The following CCDC197 variants were observed in gnomAD, a reference collection of about 807,000 sequenced individuals.
CCDC197 encodes the protein uncharacterized protein CCDC197.
Under a neutral mutation model 13.4 loss-of-function variants are expected in CCDC197, and 24 were observed. The ratio of observed to expected loss-of-function variants is 1.80; its 90% CI spans 1.30 to 2.53. The LOEUF is 2.53. Among genes scored for constraint, CCDC197 ranks in the 30% most tolerant of loss-of-function variants. The pLI, the probability that CCDC197 is intolerant of heterozygous loss-of-function variation, is 0.00. For missense variants in CCDC197, 255 were observed against 148.8 expected, an observed-to-expected ratio of 1.71 and a Z score of -3.71; for synonymous variants, 99 against 55.5, an observed-to-expected ratio of 1.78 and a Z score of -3.48.
chr14:93,988,220 G>A (rs1299294266), intron 1 of CCDC197, among the ~76,000 whole-genome samples: 2 of 107,418 alleles, frequency 1.9e-5, no homozygotes, highest in Admixed American at 9.1e-5. Flanking sequence ...GAGAGGGGAT[G>A]AGAGAGGGGA....
chr14:93,988,035 G>A (rs1481904352), intron 1 of CCDC197, among the ~76,000 whole-genome samples: 1 of 120,660 alleles, frequency 8.3e-6, no homozygotes, highest in African/African-American at 3.3e-5. Flanking sequence ...TGAGGCCAGA[G>A]AGGAGAAGAG....
chr14:94,010,334 A>G (rs372166032), downstream of CCDC197, among the ~76,000 whole-genome samples: 485 of 152,164 alleles, frequency 3.2e-3, 4 homozygotes, highest in Middle Eastern at 0.017. Context: ...CTCCCAAGTA[A>G]CTGGGACTAC....
chr14:94,008,467 T>C (rs1890745956), intron 6 of CCDC197, 142 bp from the exon 7 acceptor site: 4 of 617,724 alleles, frequency 6.5e-6, no homozygotes, highest in South Asian at 1.8e-5. Context: ...ATTTACCCAG[T>C]GGCATTGATA....
downstream of CCDC197, among the ~76,000 whole-genome samples, chr14:94,009,221 G>C (rs116977843): frequency 0.016 from 2,498 of 152,300 alleles, 43 homozygotes; most frequent in South Asian, 0.056. Context: ...CCATGGGATC[G>C]ATGGGAGTTC....
At chr14:93,993,778 G>A (rs1890242779), upstream of CCDC197, among the ~76,000 whole-genome samples, 1 of 152,298 alleles carries the variant, frequency 6.6e-6, no homozygotes, top group East Asian at 1.9e-4. Flanking sequence ...TGTCCTTGTA[G>A]CAGGTTCCCA....
At chr14:94,004,515 C>A (rs1275858367) in intron 5 of CCDC197, among the ~76,000 whole-genome samples, 2 of 152,170 alleles carry the variant, frequency 1.3e-5, no homozygotes, top group Admixed American at 6.5e-5. Flanking sequence ...GCTGCTGCAG[C>A]AGACCAGGAT....
chr14:94,011,017 C>T (rs1890799497), downstream of CCDC197, among the ~76,000 whole-genome samples: 2 of 152,180 alleles, frequency 1.3e-5, no homozygotes, highest in South Asian at 4.1e-4. Flanking sequence ...TGCTGCTGGT[C>T]CTGGGGTTAC....
chr14:94,010,637 A>C (rs928722134), downstream of CCDC197, among the ~76,000 whole-genome samples: 2 of 152,232 alleles, frequency 1.3e-5, no homozygotes, highest in Admixed American at 6.5e-5. Flanking sequence ...GCTGCACTAA[A>C]GAAAAGGGAC....
upstream of CCDC197, among the ~76,000 whole-genome samples, chr14:93,995,078 A>G (rs1446360950): frequency 6.6e-6 from 1 of 152,176 alleles, no homozygotes; most frequent in Non-Finnish European, 1.5e-5. Context: ...GAACCCCTGC[A>G]TGGAAGTGCT....
At chr14:93,998,455 C>G (rs1173948407) in intron 2 of CCDC197, among the ~76,000 whole-genome samples, 2 of 152,198 alleles carry the variant, frequency 1.3e-5, no homozygotes, top group African/African-American at 2.4e-5. Context: ...GATCTTGGGC[C>G]AGTCCCGGGC....
intron 1 of CCDC197, among the ~76,000 whole-genome samples, chr14:93,990,327 A>G (rs1219690462): frequency 6.6e-6 from 1 of 152,164 alleles, no homozygotes; most frequent in Admixed American, 6.5e-5. Context: ...CGGCTTTCAG[A>G]GTACCACTCT....
chr14:93,999,334 C>A (rs1445602539), intron 2 of CCDC197: 2 of 485,710 alleles, frequency 4.1e-6, no homozygotes, highest in Non-Finnish European at 7.3e-6. Context: ...CATTCTCCCC[C>A]AGATACCTTC....
At chr14:93,995,716 C>A (rs1051803436), upstream of CCDC197, among the ~76,000 whole-genome samples, 2 of 152,154 alleles carry the variant, frequency 1.3e-5, no homozygotes, top group South Asian at 4.1e-4. Flanking sequence ...ATTCTGGGGG[C>A]GCCTCCCTGA....
chr14:94,010,130 A>C (rs1230597983), downstream of CCDC197, among the ~76,000 whole-genome samples: 1 of 152,158 alleles, frequency 6.6e-6, no homozygotes, highest in African/African-American at 2.4e-5. Flanking sequence ...GGAAAGATAC[A>C]CGGAAGAAGG....
intron 1 of CCDC197, among the ~76,000 whole-genome samples, chr14:93,988,711 G>T (rs1405913039): frequency 9.6e-5 from 9 of 93,782 alleles, no homozygotes; most frequent in Admixed American, 3.1e-4. Context: ...CGGAAGGAGG[G>T]GATGGGAGAG....
intron 3 of CCDC197, among the ~76,000 whole-genome samples, chr14:94,000,266 C>G (rs569945760): frequency 3.9e-4 from 60 of 152,108 alleles, no homozygotes; most frequent in Non-Finnish European, 7.2e-4. Context: ...TTTTTTACCC[C>G]TCCTATGAGC....
At chr14:94,004,750 C>T in intron 5 of CCDC197, 105 bp from the exon 6 acceptor site, 1 of 645,256 alleles carries the variant, frequency 1.5e-6, no homozygotes, top group South Asian at 1.8e-5. Flanking sequence ...CTCCCAGTGT[C>T]CCAGCTCTGT....
chr14:93,997,857 C>A, intron 1 of CCDC197, 142 bp from the exon 2 acceptor site: 3 of 450,662 alleles, frequency 6.7e-6, no homozygotes, highest in South Asian at 6.4e-5. Flanking sequence ...AGAATGGCAC[C>A]CTCAACCTCT....
chr14:94,011,625 C>A (rs59081814), downstream of CCDC197, among the ~76,000 whole-genome samples: 4,588 of 152,304 alleles, frequency 0.03, 229 homozygotes, highest in African/African-American at 0.1. Context: ...CTCATAGGTT[C>A]TATATTAGCT....
Sources: allele counts gnomAD v4.1 joint callset (sites outside exome capture counted in the v4.1 genomes callset), GRCh38; gene constraint gnomAD v4.1.1; transcripts MANE v1.5; gene names NCBI Gene and HGNC (gene_info 2026-07-23, HGNC 2026-07-21).